The following CDH13 variants were observed in gnomAD, a reference collection of about 807,000 sequenced individuals.
CDH13 encodes the protein cadherin 13, also known as cadherin-13.
A neutral mutation model predicts 63.8 loss-of-function variants in CDH13; 24 were observed. That is an observed-to-expected ratio of 0.38 (90% CI 0.27 to 0.53). The LOEUF is 0.53. CDH13 is among the 20% of genes least tolerant of loss of function. CDH13 has a pLI of 0.85. For synonymous variants in CDH13, 503 were observed against 355.3 expected (o/e 1.42, Z -4.67); for missense variants, 1,049 against 903.1 (o/e 1.16, Z -2.07).
chr16:83,208,512 T>C (rs1438295822), intron 4 of CDH13, among the ~76,000 whole-genome samples: 2 of 152,192 alleles, frequency 1.3e-5, no homozygotes, highest in Non-Finnish European at 2.9e-5. Flanking sequence ...AAACATCTTC[T>C]AAATTAGCAT....
intron 4 of CDH13, among the ~76,000 whole-genome samples, chr16:83,174,657 C>T (rs1042232224): frequency 2.4e-4 from 36 of 152,052 alleles, no homozygotes; most frequent in African/African-American, 7.7e-4. Context: ...CTTTAGTTTA[C>T]GAGCCATATG....
chr16:83,323,179 TTTCTTTCTTTCTTTCTTTC>T (rs1567591190), intron 5 of CDH13, among the ~76,000 whole-genome samples: 168 of 93,522 alleles, frequency 1.8e-3, no homozygotes, highest in Middle Eastern at 5.0e-3. Context: ...TTCTTTTTTC[TTTCTTTCTTTCTTTCTTTC>T]TTTCTTTCTT....
At chr16:83,589,632 C>T (rs185355886) in intron 7 of CDH13, among the ~76,000 whole-genome samples, 1 of 152,166 alleles carries the variant, frequency 6.6e-6, no homozygotes, top group South Asian at 2.1e-4. Flanking sequence ...CTTCTAGATC[C>T]AAAAGCCTGG....
intron 8 of CDH13, among the ~76,000 whole-genome samples, chr16:83,605,145 A>G (rs1447155380): frequency 2.0e-5 from 3 of 152,192 alleles, no homozygotes; most frequent in Non-Finnish European, 4.4e-5. Flanking sequence ...AAGCACACAC[A>G]TTTTCTTCAA....
In CDH13 at chr16:83,361,596, T is replaced by A. The variant is rs531063462; in HGVS notation, c.781+16590T>A. Among the ~76,000 whole-genome samples, 3 of 152,332 alleles carry A rather than the reference T, an allele frequency of 2.0e-5. No individual in the cohort carries two copies. In the East Asian group the frequency reaches 5.8e-4, roughly 29 times the overall value. On this transcript the variant is annotated intron_variant, in intron 6 of 13. Transcript: ENST00000567109. ...TTTGAATATTTAATGCATCTTGAGTTAATTTTTGTATATGATGAAATGTAT... is the reference window on the plus strand; with the variant it reads ...TTTGAATATTTAATGCATCTTGAGTAAATTTTTGTATATGATGAAATGTAT...
At chr16:82,931,690 A>G (rs948711482) in intron 2 of CDH13, among the ~76,000 whole-genome samples, 1 of 152,174 alleles carries the variant, frequency 6.6e-6, no homozygotes, top group Admixed American at 6.5e-5. Context: ...AGGCAAAGGC[A>G]TGACTTACAT....
chr16:83,555,097 T>G (rs1008761918), intron 7 of CDH13, among the ~76,000 whole-genome samples: 1 of 152,242 alleles, frequency 6.6e-6, no homozygotes, highest in East Asian at 1.9e-4. Context: ...ACTGACCATG[T>G]TGTATACAGA....
At chr16:83,329,844 T>C (rs2090444543) in intron 5 of CDH13, among the ~76,000 whole-genome samples, 1 of 152,246 alleles carries the variant, frequency 6.6e-6, no homozygotes, top group Admixed American at 6.5e-5. Flanking sequence ...TATTGTAGCA[T>C]GTATCCAAAT....
rs4783301 is a variant in CDH13 at position 82,923,641 on chromosome 16, A to G, written c.157+65168A>G. Among the ~76,000 whole-genome samples, 570 of 152,326 alleles carry G rather than the reference A, an allele frequency of 3.7e-3. 15 individuals carry two copies. Among genetic ancestry groups the G allele is most frequent in the Admixed American group, 0.029 (445 of 15,292 alleles). ...TCCTGAGTCTGTTTCCTTGGATCCA[A>G]AAACCTACTTAGTAGGATAGCCATG... On this transcript the variant is annotated intron_variant, in intron 2 of 13. Coordinates refer to ENST00000567109, the MANE Select transcript of CDH13 (RefSeq NM_001257.5).
intron 6 of CDH13, among the ~76,000 whole-genome samples, chr16:83,458,799 G>A (rs2073091739): frequency 6.6e-6 from 1 of 152,132 alleles, no homozygotes; most frequent in Admixed American, 6.5e-5. Context: ...TGCTGATCGT[G>A]GGCCACAGCA....
chr16:83,718,679 A>T (rs993918626), intron 10 of CDH13, among the ~76,000 whole-genome samples: 5 of 152,132 alleles, frequency 3.3e-5, no homozygotes, highest in African/African-American at 9.7e-5. Flanking sequence ...AGTGAAATCC[A>T]CCACCACGAT....
chr16:83,005,871 C>G (rs1032063491), intron 2 of CDH13, among the ~76,000 whole-genome samples: 2 of 152,210 alleles, frequency 1.3e-5, no homozygotes, highest in Non-Finnish European at 2.9e-5. Flanking sequence ...GTACAGTCAT[C>G]TTCACTGATA....
intron 2 of CDH13, among the ~76,000 whole-genome samples, chr16:82,990,449 T>G (rs1911522176): frequency 6.6e-6 from 1 of 152,120 alleles, no homozygotes; most frequent in Non-Finnish European, 1.5e-5. Context: ...CCTCCTGGAC[T>G]TACGTTCAGG....
At position 83,691,164 on chromosome 16, in the gene CDH13, T is replaced by C. The variant is rs1008183738; in HGVS notation, c.1538+12703T>C. Among the ~76,000 whole-genome samples, 3 of 151,800 alleles carry C rather than the reference T, an allele frequency of 2.0e-5. No homozygotes were observed. In the East Asian group the frequency reaches 5.8e-4, roughly 29 times the overall value. On this transcript the variant is annotated intron_variant, in intron 10 of 13. Transcript: ENST00000567109. The stretch of plus-strand genomic sequence containing the variant: ...ATAAAGATTGACTCCAAGATTTTTG[T>C]CCCAAACAAATGGAAGCACAGAGGG...
At chr16:82,785,446 G>A (rs139509110) in intron 1 of CDH13, among the ~76,000 whole-genome samples, 19 of 152,232 alleles carry the variant, frequency 1.2e-4, no homozygotes, top group South Asian at 4.2e-4. Context: ...GCACTTCTGC[G>A]GACTTTGATT....
At chr16:83,316,724 T>G (rs1047040871) in intron 5 of CDH13, among the ~76,000 whole-genome samples, 1 of 152,224 alleles carries the variant, frequency 6.6e-6, no homozygotes, top group African/African-American at 2.4e-5. Context: ...TGCATGGCAT[T>G]CTGTAATGCA....
intron 7 of CDH13, among the ~76,000 whole-genome samples, chr16:83,569,683 G>A (rs1286045441): frequency 6.6e-6 from 1 of 152,040 alleles, no homozygotes; most frequent in Non-Finnish European, 1.5e-5. Context: ...GAGACGTCCA[G>A]GCATCTAACT....
chr16:83,319,705 G>C (rs1052744652), intron 5 of CDH13, among the ~76,000 whole-genome samples: 2 of 152,178 alleles, frequency 1.3e-5, no homozygotes, highest in African/African-American at 4.8e-5. Context: ...GACAGGAACG[G>C]AGAAGGAAAA....
At chr16:83,231,068 C>G (rs977482958) in intron 5 of CDH13, among the ~76,000 whole-genome samples, 1 of 152,230 alleles carries the variant, frequency 6.6e-6, no homozygotes, top group Non-Finnish European at 1.5e-5. Flanking sequence ...ATGCTCAGAG[C>G]AAGACCTGGT....
Sources: allele counts gnomAD v4.1 joint callset (sites outside exome capture counted in the v4.1 genomes callset), GRCh38; gene constraint gnomAD v4.1.1; transcripts MANE v1.5; gene names NCBI Gene and HGNC (gene_info 2026-07-23, HGNC 2026-07-21).